PIR: variants seen among roughly 807,000 people sequenced by gnomAD.
PIR encodes the protein pirin, also known as pirin (iron-binding nuclear protein).
Under a neutral mutation model 24.2 loss-of-function variants are expected in PIR, and 22 were observed. The ratio of observed to expected loss-of-function variants is 0.91; its 90% CI spans 0.65 to 1.30. The LOEUF is 1.30. PIR is among the 50% of genes most tolerant of loss of function. The pLI, the probability that PIR is intolerant of heterozygous loss-of-function variation, is 0.00. For missense variants in PIR, 220 were observed against 220.3 expected (o/e 1.00, Z 0.01); for synonymous variants, 80 against 79.6 (o/e 1.00, Z -0.03).
At chrX:15,468,382 G>A (rs556192489) in intron 3 of PIR, among the ~76,000 whole-genome samples, 7 of 112,299 alleles carry the variant, frequency 6.2e-5, no homozygotes, top group Middle Eastern at 9.2e-3. Context: ...GCTTAGTACA[G>A]TCTCCAGTTA....
intron 6 of PIR, among the ~76,000 whole-genome samples, chrX:15,417,707 C>A (rs905661741): frequency 9.0e-6 from 1 of 111,507 alleles, no homozygotes; most frequent in Non-Finnish European, 1.9e-5. Context: ...TTGCCTTTTT[C>A]AACTTCTAGA....
intron 9 of PIR, among the ~76,000 whole-genome samples, chrX:15,389,411 G>A (rs1923882677): frequency 8.9e-6 from 1 of 111,975 alleles, no homozygotes; most frequent in Non-Finnish European, 1.9e-5. Context: ...AAATTCATGA[G>A]CAGCTGGGGT....
intron 3 of PIR, among the ~76,000 whole-genome samples, chrX:15,474,131 C>A (rs1569210314): frequency 8.9e-6 from 1 of 112,055 alleles, no homozygotes; most frequent in South Asian, 3.7e-4. Context: ...TCCAGAATCA[C>A]AGCAGATTCA....
intron 5 of PIR, among the ~76,000 whole-genome samples, chrX:15,431,918 A>G (rs1925521113): frequency 9.0e-6 from 1 of 110,592 alleles, no homozygotes; most frequent in Admixed American, 9.7e-5. Flanking sequence ...ATCTCATCAA[A>G]ATGTTGATCA....
intron 3 of PIR, among the ~76,000 whole-genome samples, chrX:15,471,346 T>C (rs746363356): frequency 1.5e-4 from 17 of 112,131 alleles, no homozygotes; most frequent in Non-Finnish European, 2.8e-4. Flanking sequence ...ACCACTGACA[T>C]AGACAGCACT....
intron 5 of PIR, among the ~76,000 whole-genome samples, chrX:15,453,356 A>C (rs1920987444): frequency 8.9e-6 from 1 of 112,472 alleles, no homozygotes; most frequent in African/African-American, 3.2e-5. Flanking sequence ...TTTAATGTAT[A>C]AAAAGTCACT....
chrX:15,432,295 C>G (rs1925536165), intron 5 of PIR, among the ~76,000 whole-genome samples: 1 of 111,650 alleles, frequency 9.0e-6, no homozygotes, highest in Admixed American at 9.5e-5. Context: ...TCTGCTCAAC[C>G]CTTGTGAAGT....
intron 1 of PIR, 109 bp from the exon 2 acceptor site, chrX:15,491,418 T>C (rs1226071448): frequency 2.5e-6 from 1 of 405,506 alleles, no homozygotes; most frequent in Non-Finnish European, 4.3e-6. Context: ...CAGCTACAAT[T>C]TGTTGATGTC....
At chrX:15,490,359 A>G (rs1923088313) in intron 2 of PIR, among the ~76,000 whole-genome samples, 1 of 111,777 alleles carries the variant, frequency 8.9e-6, no homozygotes, top group Admixed American at 9.5e-5. Context: ...TAGCATGAAA[A>G]TTATCAGAGT....
intron 5 of PIR, among the ~76,000 whole-genome samples, chrX:15,427,267 T>G (rs1164420474): frequency 9.0e-6 from 1 of 111,715 alleles, no homozygotes; most frequent in African/African-American, 3.3e-5. Context: ...GGTAATGTTC[T>G]GTTTCTTAAC....
At chrX:15,445,583 C>T (rs183451317) in intron 5 of PIR, among the ~76,000 whole-genome samples, 5 of 111,398 alleles carry the variant, frequency 4.5e-5, no homozygotes, top group East Asian at 5.6e-4. Flanking sequence ...TAAGGTTTTA[C>T]GAAAAAGAGG....
intron 6 of PIR, among the ~76,000 whole-genome samples, chrX:15,409,256 G>A (rs1364875864): frequency 2.1e-5 from 1 of 48,730 alleles, no homozygotes; most frequent in African/African-American, 1.2e-4. Flanking sequence ...CCGCCACCAT[G>A]CCCAGCTAAT....
At chrX:15,413,201 C>T (rs1206234112) in intron 6 of PIR, among the ~76,000 whole-genome samples, 1 of 111,382 alleles carries the variant, frequency 9.0e-6, no homozygotes, top group Non-Finnish European at 1.9e-5. Context: ...TTCCACTTTC[C>T]TTCAAATCTG....
At chrX:15,403,182 C>T (rs1209782340) in intron 7 of PIR, among the ~76,000 whole-genome samples, 1 of 111,841 alleles carries the variant, frequency 8.9e-6, no homozygotes, top group Non-Finnish European at 1.9e-5. Context: ...CTGCAAGATC[C>T]AGAGCCCGTT....
intron 7 of PIR, among the ~76,000 whole-genome samples, chrX:15,398,218 C>T (rs904843316): frequency 1.8e-5 from 2 of 111,304 alleles, no homozygotes; most frequent in African/African-American, 3.3e-5. Context: ...GCATGTTGTG[C>T]ACATGTACCC....
At position 15,456,272 on chromosome X, in the gene PIR, C is replaced by T. The variant is rs139091198; in HGVS notation, c.274-218G>A. 2.0e-3 allele frequency among the ~76,000 whole-genome samples: 220 copies of T among 112,274 alleles called. 2 individuals carry two copies. The Middle Eastern group carries it at 0.023, about 12-fold the overall frequency. On this transcript the variant is annotated intron_variant, in intron 4 of 9. Transcript: ENST00000380420. ...GCTTCCTCACTTGAAATCAACACAT[C>T]GGAACTGGAATTCCCACAAATGGAA...
chrX:15,455,972 T>C lies in PIR; in HGVS notation c.356A>G (p.Asn119Ser). Reference protein sequence around the residue: ...EPAHGLQLWVNLRSSEKMVEP... With the variant: ...EPAHGLQLWVSLRSSEKMVEP... ...CACCATCTTCTCTGAGCTCCTCAAA[T>C]TAACCCACAGTTGTAGGCCATGGGC... Residue 119 changes from asparagine (N) to serine (S), a missense_variant, in exon 5 of 10, where the codon AAT becomes AGT. Physicochemically the swap from Asn to Ser is conservative, Grantham distance 46. Coordinates refer to ENST00000380420, the MANE Select transcript of PIR (RefSeq NM_001018109.3). 8.3e-7 allele frequency: 1 copy of C among 1,211,263 alleles called. No homozygotes were observed. Among genetic ancestry groups the C allele is most frequent in the East Asian group, 3.0e-5 (1 of 33,861 alleles).
chrX:15,450,585 C>T (rs1002005224), intron 5 of PIR, among the ~76,000 whole-genome samples: 1 of 110,938 alleles, frequency 9.0e-6, no homozygotes, highest in Non-Finnish European at 1.9e-5. Flanking sequence ...TGGACGGAAG[C>T]AAATGCAGGA....
At chrX:15,477,876 T>G (rs1205430478) in intron 3 of PIR, among the ~76,000 whole-genome samples, 1 of 111,690 alleles carries the variant, frequency 9.0e-6, no homozygotes, top group Non-Finnish European at 1.9e-5. Context: ...AAATGAATTT[T>G]AGCAAGTAAA....
Sources: gnomAD v4.1 joint callset for allele counts (sites outside exome capture counted in the v4.1 genomes callset) on GRCh38, gnomAD v4.1.1 for gene constraint, MANE v1.5 for transcripts, NCBI Gene and HGNC (gene_info 2026-07-23, HGNC 2026-07-21) for gene names.